THBS2: variants seen among roughly 807,000 people sequenced by gnomAD.
The protein encoded by THBS2 is thrombospondin-2.
In THBS2, 47 loss-of-function variants were observed where a neutral mutation model predicts 135.2. The ratio of observed to expected loss-of-function variants is 0.35; its 90% CI spans 0.28 to 0.44. THBS2 has a LOEUF of 0.44. Among genes scored for constraint, THBS2 ranks in the 20% least tolerant of loss-of-function variants. The pLI, the probability that THBS2 is intolerant of heterozygous loss-of-function variation, is 1.00. For missense variants in THBS2, 1,288 were observed against 1,603.1 expected, an observed-to-expected ratio of 0.80 and a Z score of 3.36; for synonymous variants, 639 against 633.8, an observed-to-expected ratio of 1.01 and a Z score of -0.12.
chr6:169,218,467 A>G (rs1483790228), intron 21 of THBS2, among the ~76,000 whole-genome samples: 6 of 93,498 alleles, frequency 6.4e-5, no homozygotes, highest in African/African-American at 1.4e-4. Flanking sequence ...GATGGATGGG[A>G]TAGATGAGTG....
chr6:169,229,646 C>G lies in THBS2; in HGVS notation c.2185G>C (p.Glu729Gln). 6.2e-7 allele frequency: 1 copy of G among 1,614,110 alleles called. No homozygotes were observed. The highest frequency in any genetic ancestry group is 8.5e-7 in the Non-Finnish European group (1 of 1,180,002). The part of the protein sequence containing the change: ...NCPHLPNSGQ[E>Q]DFDKDGIGDA... ...CCAATCCCGTCCTTGTCAAAGTCTT[C>G]CTGCCCAGAATTTGGCAGATGGGGG... Residue 729 changes from glutamate to glutamine, a missense_variant, in exon 14 of 22, where the codon GAA becomes CAA. Transcript: ENST00000617924.
chr6:169,232,425 C>G (rs1583410962), intron 12 of THBS2, among the ~76,000 whole-genome samples: 1 of 152,296 alleles, frequency 6.6e-6, no homozygotes, highest in East Asian at 1.9e-4. Context: ...TCACCAAGGG[C>G]TGCGCTAACA....
In THBS2 at chr6:169,252,704, T is replaced by G. The variant is rs187001087; in HGVS notation, c.-23+1020A>C. On this transcript the variant is annotated intron_variant, in intron 1 of 21. Transcript: ENST00000617924. This position sits in a 1 kb window ranked among gnomAD's most constrained non-coding sequence, Gnocchi z 4.3. ...CCCATCCAGGGACACCGGGCATGCA[T>G]GGATGGAGCCACGGATGAGCCAGTG... Among the ~76,000 whole-genome samples, 1 of 152,142 alleles carries G rather than the reference T, an allele frequency of 6.6e-6. No homozygotes were observed. The highest frequency in any genetic ancestry group is 2.4e-5 in the African/African-American group (1 of 41,444).
chr6:169,222,432 G>A lies in THBS2; in HGVS notation c.3038C>T (p.Thr1013Ile). 8 of 1,613,778 alleles carry A rather than the reference G, an allele frequency of 5.0e-6. No individual in the cohort carries two copies. The highest frequency in any genetic ancestry group is 6.8e-6 in the Non-Finnish European group (8 of 1,180,024). Residue 1013 changes from threonine to isoleucine, a missense_variant, in exon 19 of 22, where the codon ACA (threonine) becomes ATA (isoleucine). Thr to Ile is a moderately conservative substitution (Grantham distance 89). Around this residue, in one of 2 missense-constraint regions of THBS2, gnomAD observed 874 missense variants for 1,156.1 expected, o/e 0.76. Coordinates refer to ENST00000617924, the MANE Select transcript of THBS2 (RefSeq NM_003247.5). ...GTCCCGGTCAGTGTTTACGTAGAAT[G>A]TGCCACTGAAGTCCACAGACCCAAA... The part of the protein sequence containing the change: ...DEFGSVDFSG[T>I]FYVNTDRDDD...
At chr6:169,232,561 G>A (rs542045646) in intron 12 of THBS2, 103 bp downstream of exon 12, 7 of 1,509,296 alleles carry the variant, frequency 4.6e-6, no homozygotes, top group Admixed American at 4.3e-5. Context: ...TGCCTCTCCC[G>A]GGCCACGCCA....
chr6:169,246,651 G>A (rs550349413), intron 3 of THBS2, among the ~76,000 whole-genome samples: 22 of 152,308 alleles, frequency 1.4e-4, no homozygotes, highest in African/African-American at 5.3e-4. Flanking sequence ...GCGAGTTTCT[G>A]CATTTGGCAA....
rs762091080 is a variant in THBS2 at position 169,241,766 on chromosome 6, C to T, written c.887G>A (p.Arg296Lys). 6.8e-6 allele frequency: 11 copies of T among 1,606,880 alleles called. No individual in the cohort carries two copies. The Admixed American group carries it at 1.8e-4, about 27-fold the overall frequency. ...GGCCCCTGCGTGAGTACCCACCACT[C>T]TCTTGAGGTTCTCGCTGAGCTGGTT... ...LVNQLSENLKRVSNDNQFLWE... is the reference protein window; with the variant it reads ...LVNQLSENLKKVSNDNQFLWE... Residue 296 changes from arginine (R) to lysine (K), a missense_variant, in exon 5 of 22, where the codon AGA (arginine) becomes AAA (lysine). Arg to Lys is a conservative substitution (Grantham distance 26, BLOSUM62 2). This residue lies in a region of THBS2 where 414 missense variants were observed against 447.0 expected (regional missense o/e 0.93). Transcript: ENST00000617924. This position sits in a 1 kb window ranked among gnomAD's most constrained non-coding sequence, Gnocchi z 5.5.
At position 169,223,434 on chromosome 6, in the gene THBS2, C is replaced by T. The variant is rs1160631762; in HGVS notation, c.2815G>A (p.Asp939Asn). Residue 939 changes from aspartate (D) to asparagine (N), a missense_variant, in exon 18 of 22, where the codon GAC (aspartate) becomes AAC (asparagine). Asp to Asn is a conservative substitution (Grantham distance 23, BLOSUM62 1). This residue lies in a region of THBS2 where 874 missense variants were observed against 1,156.1 expected (regional missense o/e 0.76). Transcript: ENST00000617924. Reference sequence around the variant, plus strand: ...ACATCATCAATATCTGGGATGTTGTCATTGTCAAAATCATCTTTACAAATA... The same window carrying T: ...ACATCATCAATATCTGGGATGTTGTTATTGTCAAAATCATCTTTACAAATA... Reference protein sequence around the residue: ...GDICKDDFDNDNIPDIDDVCP... With the variant: ...GDICKDDFDNNNIPDIDDVCP... 1.2e-6 allele frequency: 2 copies of T among 1,614,004 alleles called. No homozygotes were observed. The highest frequency in any genetic ancestry group is 8.5e-7 in the Non-Finnish European group (1 of 1,180,016).
Position 169,229,619 on chromosome 6 carries a change from C to T in THBS2, c.2212G>A (p.Asp738Asn), listed in dbSNP as rs61736310. The T allele has an allele frequency of 1.8e-4, 285 of 1,613,974 alleles. 1 individual carries two copies. Among genetic ancestry groups the T allele is most frequent in the Admixed American group, 2.5e-4 (15 of 59,996 alleles). Reference sequence around the variant, plus strand: ...TTGTCATCGTCATCATCACAGGCATCGCCAATCCCGTCCTTGTCAAAGTCT... The same window carrying T: ...TTGTCATCGTCATCATCACAGGCATTGCCAATCCCGTCCTTGTCAAAGTCT... The part of the protein sequence containing the change: ...QEDFDKDGIG[D>N]ACDDDDDNDG... The change falls in exon 14 of 22, where the codon GAT becomes AAT. Residue 738 changes from aspartate (D) to asparagine (N), a missense_variant. Around this residue, in one of 2 missense-constraint regions of THBS2, gnomAD observed 874 missense variants for 1,156.1 expected, o/e 0.76. Transcript: ENST00000617924.
intron 17 of THBS2, 56 bp from the exon 18 acceptor site, chr6:169,223,531 G>T (rs1435665018): frequency 1.3e-6 from 2 of 1,526,758 alleles, no homozygotes; most frequent in Non-Finnish European, 1.8e-6. Flanking sequence ...AAAGTCGGTG[G>T]TCGGTGGTTT....
At chr6:169,246,858 A>T (rs997408174) in intron 3 of THBS2, among the ~76,000 whole-genome samples, 1 of 152,084 alleles carries the variant, frequency 6.6e-6, no homozygotes, top group Non-Finnish European at 1.5e-5. Flanking sequence ...TTAACCATGT[A>T]CTTATTTCCA....
chr6:169,218,310 G>C (rs1779262550), intron 21 of THBS2, among the ~76,000 whole-genome samples: 1 of 150,620 alleles, frequency 6.6e-6, no homozygotes, highest in African/African-American at 2.5e-5. Context: ...TGGGTGGATG[G>C]ATGGATGAGT....
intron 13 of THBS2, among the ~76,000 whole-genome samples, chr6:169,230,798 A>G (rs1436940338): frequency 6.6e-6 from 1 of 152,310 alleles, no homozygotes; most frequent in East Asian, 1.9e-4. Flanking sequence ...GGGGTGTAAC[A>G]TAGGTTGGGA....
intron 4 of THBS2, among the ~76,000 whole-genome samples, chr6:169,244,405 A>T (rs958870007): frequency 2.0e-5 from 3 of 151,282 alleles, no homozygotes; most frequent in African/African-American, 7.3e-5. Flanking sequence ...TTACTCACTG[A>T]CCATTATGAC....
chr6:169,223,584 C>T, intron 17 of THBS2, 109 bp from the exon 18 acceptor site: 1 of 838,712 alleles, frequency 1.2e-6, no homozygotes, highest in Non-Finnish European at 1.9e-6. Flanking sequence ...GTGCATCTTT[C>T]CCAGAACATC....
chr6:169,222,593 G>A lies in THBS2; in HGVS notation c.3002-125C>T, dbSNP rs565660661. Reference sequence around the variant, plus strand: ...GCAGATCACCTGAGGTCAAGAGTTCGAGACTGGTCTGACCAATATGGTGAA... The same window carrying A: ...GCAGATCACCTGAGGTCAAGAGTTCAAGACTGGTCTGACCAATATGGTGAA... On this transcript the variant is annotated intron_variant, in intron 18 of 21. Coordinates refer to ENST00000617924, the MANE Select transcript of THBS2 (RefSeq NM_003247.5). 10 of 1,057,414 alleles carry A rather than the reference G, an allele frequency of 9.5e-6. No homozygotes were observed. In the East Asian group the frequency reaches 1.2e-4, roughly 13 times the overall value. 65.5% of individuals were successfully genotyped at this position (1,057,414 alleles called of 1,614,324 possible). A position where few individuals can be genotyped will look rare whatever the true frequency, so the allele number is the denominator to read the frequency against.
chr6:169,251,257 G>A (rs576126539), intron 1 of THBS2, among the ~76,000 whole-genome samples: 1 of 152,280 alleles, frequency 6.6e-6, no homozygotes, highest in African/African-American at 2.4e-5. Context: ...AACGCATTTT[G>A]TGTAAATATC....
chr6:169,235,113 G>C (rs1013700230), intron 9 of THBS2, among the ~76,000 whole-genome samples: 8 of 152,178 alleles, frequency 5.3e-5, no homozygotes, highest in Non-Finnish European at 1.0e-4. Flanking sequence ...GAGTGACTCA[G>C]AAGCCAGTGT....
At chr6:169,229,797 C>T (rs1158889980) in intron 13 of THBS2, 118 bp from the exon 14 acceptor site, 4 of 740,768 alleles carry the variant, frequency 5.4e-6, no homozygotes, top group South Asian at 1.8e-5. Flanking sequence ...CATCAGTCCT[C>T]GATCTCAAGC....
Sources: gnomAD v4.1 joint callset for allele counts (sites outside exome capture counted in the v4.1 genomes callset) on GRCh38, gnomAD v4.1.1 for gene constraint, gnomAD v4.1.1 regional missense constraint, Gnocchi (gnomAD v3.1) non-coding constraint, MANE v1.5 for transcripts, NCBI Gene and HGNC (gene_info 2026-07-23, HGNC 2026-07-21) for gene names.